Variants in ADAMTS3 observed in about 807,000 individuals in gnomAD.
The protein encoded by ADAMTS3 is A disintegrin and metalloproteinase with thrombospondin motifs 3.
Under a neutral mutation model 129.0 loss-of-function variants are expected in ADAMTS3, and 73 were observed. That is an observed-to-expected ratio of 0.57 (90% confidence interval 0.47 to 0.69). The LOEUF (loss-of-function observed/expected upper bound fraction) is 0.69. Ranked by LOEUF, ADAMTS3 falls within the 30% of genes least tolerant of loss-of-function variation. The pLI, the probability that ADAMTS3 is intolerant of heterozygous loss-of-function variation, is 0.00. For synonymous variants in ADAMTS3, 477 were observed against 510.8 expected, an observed-to-expected ratio of 0.93 and a Z score of 0.89; for missense variants, 1,457 against 1,514.5, an observed-to-expected ratio of 0.96 and a Z score of 0.63.
intron 5 of ADAMTS3, among the ~76,000 whole-genome samples, chr4:72,331,739 T>G (rs991340640): frequency 1.3e-5 from 2 of 152,012 alleles, no homozygotes; most frequent in Non-Finnish European, 2.9e-5. Context: ...AAGACCTATC[T>G]CCCCTTTTTC....
intron 5 of ADAMTS3, among the ~76,000 whole-genome samples, chr4:72,330,255 G>A (rs1719811549): frequency 6.6e-6 from 1 of 151,996 alleles, no homozygotes; most frequent in Non-Finnish European, 1.5e-5. Context: ...CTGACCTCAG[G>A]TAACCCACCC....
At chr4:72,386,474 C>CT (rs544432405) in intron 4 of ADAMTS3, among the ~76,000 whole-genome samples, 4 of 151,842 alleles carry the variant, frequency 2.6e-5, no homozygotes, top group Non-Finnish European at 5.9e-5. Context: ...CCTTCTCTCT[C>CT]TTTTTTTTAA....
intron 4 of ADAMTS3, among the ~76,000 whole-genome samples, chr4:72,387,393 T>C (rs1413213467): frequency 6.6e-6 from 1 of 152,204 alleles, no homozygotes; most frequent in Non-Finnish European, 1.5e-5. Context: ...CCATACTCAA[T>C]CAACTATGCT....
At chr4:72,303,505 G>T (rs901877361) in intron 17 of ADAMTS3, among the ~76,000 whole-genome samples, 3 of 151,906 alleles carry the variant, frequency 2.0e-5, no homozygotes, top group African/African-American at 7.3e-5. Context: ...ACAGATGAGA[G>T]AATTACTTGC....
intron 3 of ADAMTS3, among the ~76,000 whole-genome samples, chr4:72,461,758 A>T (rs1419358782): frequency 2.0e-5 from 3 of 151,864 alleles, no homozygotes; most frequent in Non-Finnish European, 4.4e-5. Context: ...TAATTATTTC[A>T]TTTACTTGGT....
intron 5 of ADAMTS3, among the ~76,000 whole-genome samples, chr4:72,333,806 T>G (rs1439550837): frequency 6.6e-6 from 1 of 151,772 alleles, no homozygotes; most frequent in Non-Finnish European, 1.5e-5. Flanking sequence ...AAGAAGGTTT[T>G]CTTTTTTGTT....
intron 4 of ADAMTS3, among the ~76,000 whole-genome samples, chr4:72,387,343 CTG>C (rs1213336273): frequency 6.6e-6 from 1 of 152,238 alleles, no homozygotes; most frequent in Non-Finnish European, 1.5e-5. Context: ...TGACCCATAA[CTG>C]TCAGAATACA....
intron 2 of ADAMTS3, among the ~76,000 whole-genome samples, chr4:72,566,464 T>C (rs1267180975): frequency 6.6e-6 from 1 of 152,238 alleles, no homozygotes; most frequent in South Asian, 2.1e-4. Flanking sequence ...TGGCATTTAA[T>C]AAACGGCCAA....
rs575381744 is a variant in ADAMTS3, at chr4:72,406,735, T to C, written c.661+8080A>G. On this transcript the variant is annotated intron_variant, in intron 4 of 21. Coordinates refer to ENST00000286657, the MANE Select transcript of ADAMTS3 (RefSeq NM_014243.3). ...AATCAGGAAATATGACAAATCCAAA[T>C]AAAGTAGGGTTTTTATTCCACAATA... Among the ~76,000 whole-genome samples the C allele has an allele frequency of 4.6e-5, 7 of 152,212 alleles. No individual in the cohort carries two copies. In the South Asian group the frequency reaches 1.4e-3, roughly 32 times the overall value.
rs138957553 is a variant in ADAMTS3, at chr4:72,332,432, T to A, written c.861+7062A>T. Among the ~76,000 whole-genome samples the A allele has an allele frequency of 3.0e-3, 463 of 152,280 alleles. 14 individuals are homozygous for A. Among genetic ancestry groups the A allele is most frequent in the Admixed American group, 0.021 (322 of 15,282 alleles). Reference sequence around the variant, plus strand: ...CACATTTATGCTCGTTCACTGTCCATCATAAGTAGCTAATTTCAATATACA... The same window carrying A: ...CACATTTATGCTCGTTCACTGTCCAACATAAGTAGCTAATTTCAATATACA... On this transcript the variant is annotated intron_variant, in intron 5 of 21. Transcript: ENST00000286657.
chr4:72,383,802 G>T (rs1025224177), intron 4 of ADAMTS3, among the ~76,000 whole-genome samples: 2 of 152,026 alleles, frequency 1.3e-5, no homozygotes, highest in East Asian at 3.9e-4. Context: ...GATACATAAA[G>T]AAACTTTTTA....
intron 2 of ADAMTS3, among the ~76,000 whole-genome samples, chr4:72,551,786 T>A (rs1313989897): frequency 6.6e-6 from 1 of 152,212 alleles, no homozygotes; most frequent in Non-Finnish European, 1.5e-5. Flanking sequence ...AAATTCCTGT[T>A]CTGATCATTT....
At position 72,372,031 on chromosome 4, in the gene ADAMTS3, T is replaced by C. The variant is rs1029456876; in HGVS notation, c.662-32338A>G. 3.3e-5 allele frequency among the ~76,000 whole-genome samples: 5 copies of C among 152,194 alleles called. No homozygotes were observed. The East Asian group carries it at 9.6e-4, about 29-fold the overall frequency. On this transcript the variant is annotated intron_variant, in intron 4 of 21. Transcript: ENST00000286657. ...CCCACAATAGTCATAAACCATATTG[T>C]CAAAGAAAACATCACAGTGGAAATT...
intron 4 of ADAMTS3, among the ~76,000 whole-genome samples, chr4:72,345,936 A>T (rs1323895078): frequency 6.6e-6 from 1 of 152,122 alleles, no homozygotes; most frequent in African/African-American, 2.4e-5. Context: ...AATCAAGAAA[A>T]CTTAGTGTCT....
At chr4:72,472,684 C>T (rs1382452898) in intron 3 of ADAMTS3, among the ~76,000 whole-genome samples, 1 of 151,994 alleles carries the variant, frequency 6.6e-6, no homozygotes, top group Non-Finnish European at 1.5e-5. Context: ...CAATATATAA[C>T]AGAAAAATCA....
At chr4:72,525,973 G>A (rs1720796232) in intron 3 of ADAMTS3, among the ~76,000 whole-genome samples, 1 of 152,186 alleles carries the variant, frequency 6.6e-6, no homozygotes, top group African/African-American at 2.4e-5. Flanking sequence ...CAAGGGGGTA[G>A]AGAGGGGCCA....
In ADAMTS3 at chr4:72,415,980, T is replaced by C. The variant is rs1252199942; in HGVS notation, c.505-1009A>G. 6.6e-5 allele frequency among the ~76,000 whole-genome samples: 10 copies of C among 151,816 alleles called. No homozygotes were observed. In the South Asian group the frequency reaches 1.9e-3, roughly 28 times the overall value. ...ATATATATCAGATTTAGAGATGCCA[T>C]ATTTTTTCTCAAACCTTTAACTTAT... is the stretch of plus-strand genomic sequence containing the variant. On this transcript the variant is annotated intron_variant, in intron 3 of 21. Coordinates refer to ENST00000286657, the MANE Select transcript of ADAMTS3 (RefSeq NM_014243.3).
At chr4:72,445,970 G>A (rs1292391195) in intron 3 of ADAMTS3, among the ~76,000 whole-genome samples, 2 of 151,610 alleles carry the variant, frequency 1.3e-5, no homozygotes, top group Non-Finnish European at 3.0e-5. Context: ...AGGATGCTTT[G>A]AGCTGCAAGT....
At position 72,510,819 on chromosome 4, in the gene ADAMTS3, C is replaced by CA. The variant is rs869030257; in HGVS notation, c.504+37658dup. Among the ~76,000 whole-genome samples, 139 of 63,662 alleles carry CA rather than the reference C, an allele frequency of 2.2e-3. 2 individuals are homozygous for CA. Among genetic ancestry groups the CA allele is most frequent in the African/African-American group, 6.8e-3 (116 of 17,104 alleles). 41.8% of individuals were successfully genotyped at this position (63,662 alleles called of 152,430 possible). ...GGAATAGCCAAAGCTATCCTTAAGC[C>CA]AAAAAAAAAAAAAAAAAAAAAAAAA... On this transcript the variant is annotated intron_variant, in intron 3 of 21. Coordinates refer to ENST00000286657, the MANE Select transcript of ADAMTS3 (RefSeq NM_014243.3).
Sources: gnomAD v4.1 joint callset for allele counts (sites outside exome capture counted in the v4.1 genomes callset) on GRCh38, gnomAD v4.1.1 for gene constraint, MANE v1.5 for transcripts, NCBI Gene and HGNC (gene_info 2026-07-23, HGNC 2026-07-21) for gene names.